Variants in PCDH15 observed in about 807,000 individuals in gnomAD.
PCDH15 encodes protocadherin related 15.
Under a neutral mutation model 178.5 loss-of-function variants are expected in PCDH15, and 129 were observed. The observed-to-expected ratio is 0.72, with a 90% CI of 0.63 to 0.84. The LOEUF (loss-of-function observed/expected upper bound fraction) is 0.84. Ranked by LOEUF, PCDH15 falls within the 40% of genes least tolerant of loss-of-function variation. PCDH15 has a pLI of 0.00. For synonymous variants in PCDH15, 800 were observed against 732.0 expected, an observed-to-expected ratio of 1.09 and a Z score of -1.50; for missense variants, 2,230 against 2,099.9, an observed-to-expected ratio of 1.06 and a Z score of -1.21.
intron 1 of PCDH15, among the ~76,000 whole-genome samples, chr10:55,190,713 T>C (rs1434520776): frequency 6.6e-6 from 1 of 151,650 alleles, no homozygotes; most frequent in African/African-American, 2.4e-5. Flanking sequence ...TGGTAGGAAA[T>C]ATATGCATAT....
intron 3 of PCDH15, among the ~76,000 whole-genome samples, chr10:54,864,312 A>G (rs1180421489): frequency 1.3e-5 from 2 of 152,164 alleles, no homozygotes; most frequent in Non-Finnish European, 2.9e-5. Context: ...CAATTAAGAG[A>G]AAAAGTCTAA....
rs139682144 is a variant in PCDH15, at chr10:53,978,403, C to G, written c.2869-16511G>C. Among the ~76,000 whole-genome samples, 979 of 152,208 alleles carry G rather than the reference C, an allele frequency of 6.4e-3. 2 individuals are homozygous for G. Among genetic ancestry groups the G allele is most frequent in the Admixed American group, 9.5e-3 (145 of 15,278 alleles). On this transcript the variant is annotated intron_variant, in intron 21 of 37. Transcript: ENST00000644397. ...CGATGGCCTGAACTGTACCTTGGCC[C>G]ATTTTAACCATGGCTGGAGTGGCTA...
intron 2 of PCDH15, among the ~76,000 whole-genome samples, chr10:55,487,251 G>A (rs764291364): frequency 2.6e-5 from 4 of 151,616 alleles, no homozygotes; most frequent in Non-Finnish European, 4.4e-5. Context: ...AAACTTAGCT[G>A]ACAGCTTTTA....
rs142950542 is a variant in PCDH15, at chr10:54,962,040, A to G, written c.-79-64540T>C. On this transcript the variant is annotated intron_variant, in intron 2 of 5. Coordinates refer to the PCDH15 transcript ENST00000458638. ...CTGTCACTCAATAAAGCTCCTCTCC[A>G]CTTCGCTTACCCTCCAGTTGTCCAC... 1.6e-3 allele frequency among the ~76,000 whole-genome samples: 242 copies of G among 152,284 alleles called. 2 individuals are homozygous for G. Among genetic ancestry groups the G allele is most frequent in the African/African-American group, 5.6e-3 (234 of 41,562 alleles).
chr10:54,666,370 TGTGA>T (rs1486814072), intron 1 of PCDH15, among the ~76,000 whole-genome samples: 1 of 152,074 alleles, frequency 6.6e-6, no homozygotes, highest in Non-Finnish European at 1.5e-5. Flanking sequence ...CCATAAAGTC[TGTGA>T]GTAAGACACT....
chr10:54,024,352 A>G (rs1203781289), intron 18 of PCDH15, among the ~76,000 whole-genome samples: 1 of 152,156 alleles, frequency 6.6e-6, no homozygotes, highest in East Asian at 1.9e-4. Flanking sequence ...AAAACAAGAC[A>G]CTTGGCTGCC....
chr10:54,113,909 G>A (rs978453799), intron 15 of PCDH15, among the ~76,000 whole-genome samples: 1 of 152,098 alleles, frequency 6.6e-6, no homozygotes, highest in African/African-American at 2.4e-5. Flanking sequence ...GAGGAGAAAG[G>A]CATGTCTTAC....
chr10:55,082,960 T>G (rs1842079771), intron 2 of PCDH15, among the ~76,000 whole-genome samples: 1 of 151,966 alleles, frequency 6.6e-6, no homozygotes, highest in African/African-American at 2.4e-5. Context: ...CTGAATTTTA[T>G]TAAACATTTA....
At chr10:55,555,593 C>A (rs1445492044) in intron 2 of PCDH15, among the ~76,000 whole-genome samples, 1 of 152,014 alleles carries the variant, frequency 6.6e-6, no homozygotes, top group African/African-American at 2.4e-5. Flanking sequence ...TAAGTGAAGA[C>A]CACTTATTTT....
At chr10:54,310,561 G>A (rs2133476765) in intron 8 of PCDH15, among the ~76,000 whole-genome samples, 1 of 152,090 alleles carries the variant, frequency 6.6e-6, no homozygotes, top group Admixed American at 6.6e-5. Flanking sequence ...GAATTGGATA[G>A]AAAGAATAAT....
intron 1 of PCDH15, among the ~76,000 whole-genome samples, chr10:55,197,006 C>G (rs1840111453): frequency 6.6e-6 from 1 of 151,858 alleles, no homozygotes; most frequent in South Asian, 2.1e-4. Flanking sequence ...AACTGTAATC[C>G]TTTTGTCACC....
rs1443969907 is a variant in PCDH15 at position 54,174,705 on chromosome 10, T to C, written c.1590+8739A>G. ...CTTTCTTTTTTCTTTTTCTTTTCTT[T>C]TTTTTTTTTTTTTTTTTTGAGACAG... On this transcript the variant is annotated intron_variant, in intron 13 of 37. Coordinates refer to ENST00000644397, the MANE Select transcript of PCDH15 (RefSeq NM_001384140.1). Among the ~76,000 whole-genome samples the C allele has an allele frequency of 4.8e-3, 538 of 112,160 alleles. 6 individuals carry two copies. The highest frequency in any genetic ancestry group is 0.016 in the African/African-American group (380 of 23,794). 73.6% of individuals were successfully genotyped at this position (112,160 alleles called of 152,430 possible). A position where few individuals can be genotyped will look rare whatever the true frequency, so the allele number is the denominator to read the frequency against.
intron 2 of PCDH15, among the ~76,000 whole-genome samples, chr10:54,548,361 A>G (rs1023997557): frequency 1.3e-5 from 2 of 148,246 alleles, no homozygotes; most frequent in Non-Finnish European, 3.0e-5. Context: ...TATATGTGAA[A>G]TTATCTATTG....
chr10:54,225,768 C>A (rs2053367896), intron 9 of PCDH15, among the ~76,000 whole-genome samples: 1 of 152,092 alleles, frequency 6.6e-6, no homozygotes, highest in Non-Finnish European at 1.5e-5. Flanking sequence ...GTTTTAGGGG[C>A]ATAGACCCAT....
intron 2 of PCDH15, among the ~76,000 whole-genome samples, chr10:54,937,726 T>G (rs1837942969): frequency 1.3e-5 from 2 of 152,026 alleles, no homozygotes; most frequent in South Asian, 4.1e-4. Context: ...ACTAAATTAC[T>G]ACTACAGAAA....
intron 11 of PCDH15, among the ~76,000 whole-genome samples, chr10:54,192,116 A>C (rs7907585): frequency 7.1e-6 from 1 of 140,818 alleles, no homozygotes; most frequent in Admixed American, 7.3e-5. Flanking sequence ...AGAAAAAAAA[A>C]AAAGAAAGAA....
chr10:55,182,966 C>T (rs1839691976), intron 1 of PCDH15, among the ~76,000 whole-genome samples: 1 of 151,820 alleles, frequency 6.6e-6, no homozygotes, highest in Admixed American at 6.6e-5. Context: ...ACTGTGCAGC[C>T]CAGATAGAAA....
At chr10:54,373,128 T>C (rs2134831279) in intron 4 of PCDH15, among the ~76,000 whole-genome samples, 1 of 152,068 alleles carries the variant, frequency 6.6e-6, no homozygotes, top group African/African-American at 2.4e-5. Context: ...GTTTAGATTA[T>C]AGCACAAATC....
chr10:54,378,982 CAT>C (rs757945381), intron 3 of PCDH15, 40 bp from the exon 4 acceptor site: 2 of 1,607,862 alleles, frequency 1.2e-6, no homozygotes, highest in African/African-American at 2.7e-5. Context: ...ATATTCTACT[CAT>C]ATGAATTCTT....
Sources: gnomAD v4.1 joint callset for allele counts (sites outside exome capture counted in the v4.1 genomes callset) on GRCh38, gnomAD v4.1.1 for gene constraint, MANE v1.5 for transcripts, NCBI Gene and HGNC (gene_info 2026-07-23, HGNC 2026-07-21) for gene names.